CMIP: variants seen among roughly 807,000 people sequenced by gnomAD.
CMIP encodes c-Maf inducing protein.
A neutral mutation model predicts 97.3 loss-of-function variants in CMIP; 13 were observed. That is an observed-to-expected ratio of 0.13 (90% CI 0.09 to 0.21). CMIP has a LOEUF of 0.21. Among genes scored for constraint, CMIP ranks in the 10% least tolerant of loss-of-function variants. The pLI, the probability that CMIP is intolerant of heterozygous loss-of-function variation, is 1.00. For missense variants in CMIP, 847 were observed against 1,024.9 expected, an observed-to-expected ratio of 0.83 and a Z score of 2.37; for synonymous variants, 538 against 436.3, an observed-to-expected ratio of 1.23 and a Z score of -2.91.
In CMIP at chr16:81,703,769, C is replaced by T. The variant is rs866699817; in HGVS notation, c.1945-170C>T. ...CAGCCCCTCCCTCTCTGGCCACCCCCTTGGCCCATCCCACCGAGCTGTGCC... is the reference window on the plus strand; with the variant it reads ...CAGCCCCTCCCTCTCTGGCCACCCCTTTGGCCCATCCCACCGAGCTGTGCC... On this transcript the variant is annotated intron_variant, in intron 17 of 20. Transcript: ENST00000537098. 113 of 863,358 alleles carry T rather than the reference C, an allele frequency of 1.3e-4. 2 individuals are homozygous for T. The Middle Eastern group carries it at 9.1e-3, about 69-fold the overall frequency. 53.5% of individuals were successfully genotyped at this position (863,358 alleles called of 1,614,324 possible). A position where few individuals can be genotyped will look rare whatever the true frequency, so the allele number is the denominator to read the frequency against.
At chr16:81,693,583 G>A (rs1307793324) in intron 13 of CMIP, 96 bp downstream of exon 13, 15 of 1,361,270 alleles carry the variant, frequency 1.1e-5, no homozygotes, top group Admixed American at 2.2e-5. Flanking sequence ...TCACCAACAG[G>A]CATTCAGAAC....
rs367559903 is a variant in CMIP, at chr16:81,593,635, C to A, written c.301-13932C>A. On this transcript the variant is annotated intron_variant, in intron 1 of 20. Coordinates refer to ENST00000537098, the MANE Select transcript of CMIP (RefSeq NM_198390.3). ...TCTTGTTGAGGCTTGAAAGTAATCG[C>A]CTCCGTGTATTGAGTGCCCGCCGAC... 1.4e-4 allele frequency among the ~76,000 whole-genome samples: 22 copies of A among 152,282 alleles called. 2 individuals carry two copies. The South Asian group carries it at 4.6e-3, about 32-fold the overall frequency.
At chr16:81,669,982 G>A (rs968466866) in intron 7 of CMIP, among the ~76,000 whole-genome samples, 160 bp from the exon 8 acceptor site, 2 of 152,270 alleles carry the variant, frequency 1.3e-5, no homozygotes, top group East Asian at 1.9e-4. Context: ...TGAAGTAGAC[G>A]CCACCTGTGC....
chr16:81,523,839 A>T (rs1483597716), intron 1 of CMIP, among the ~76,000 whole-genome samples: 2 of 152,196 alleles, frequency 1.3e-5, no homozygotes, highest in African/African-American at 4.8e-5. Flanking sequence ...TTTAGCTAGG[A>T]GCCTGGATGT....
At chr16:81,571,788 C>G (rs561096162) in intron 1 of CMIP, among the ~76,000 whole-genome samples, 2 of 152,092 alleles carry the variant, frequency 1.3e-5, no homozygotes, top group African/African-American at 4.8e-5. Context: ...CTGCCTCGAC[C>G]GTGCGCGGGA....
At chr16:81,659,329 A>G (rs554459201) in intron 5 of CMIP, among the ~76,000 whole-genome samples, 1 of 152,084 alleles carries the variant, frequency 6.6e-6, no homozygotes, top group East Asian at 1.9e-4. Flanking sequence ...ATACAAAAAT[A>G]ACATGGCCAA....
chr16:81,634,326 CA>C (rs1356385856), intron 3 of CMIP, among the ~76,000 whole-genome samples: 1 of 152,200 alleles, frequency 6.6e-6, no homozygotes, highest in Non-Finnish European at 1.5e-5. Flanking sequence ...ATTGTATGAA[CA>C]CGAGTCTGAC....
chr16:81,588,005 G>A (rs536026652), intron 1 of CMIP, among the ~76,000 whole-genome samples: 47 of 152,284 alleles, frequency 3.1e-4, no homozygotes, highest in African/African-American at 1.0e-3. Flanking sequence ...GAAACACACC[G>A]TCTAAGGCTG....
intron 1 of CMIP, among the ~76,000 whole-genome samples, chr16:81,458,027 A>T (rs1906668893): frequency 6.6e-6 from 1 of 152,232 alleles, no homozygotes; most frequent in Non-Finnish European, 1.5e-5. Flanking sequence ...GAATTACATC[A>T]TGCCAATAAG....
intron 4 of CMIP, among the ~76,000 whole-genome samples, chr16:81,656,965 G>A (rs1178732120): frequency 6.6e-6 from 1 of 152,010 alleles, no homozygotes; most frequent in African/African-American, 2.4e-5. Flanking sequence ...ACACTCAAAG[G>A]AAACGTTCAT....
chr16:81,646,621 T>G (rs1048106714), intron 3 of CMIP, among the ~76,000 whole-genome samples: 1 of 152,250 alleles, frequency 6.6e-6, no homozygotes, highest in Admixed American at 6.5e-5. Flanking sequence ...GATGCCCTCA[T>G]GCTTGTTTGC....
At chr16:81,448,252 A>G (rs1316669809) in intron 1 of CMIP, among the ~76,000 whole-genome samples, 2 of 152,270 alleles carry the variant, frequency 1.3e-5, no homozygotes, top group African/African-American at 4.8e-5. Flanking sequence ...GGTTAATTGT[A>G]TGGGCTTCAG....
rs539971331 is a variant in CMIP, at chr16:81,539,314, C to T, written c.301-68253C>T. 4.6e-5 allele frequency among the ~76,000 whole-genome samples: 7 copies of T among 152,276 alleles called. 1 individual carries two copies. In the South Asian group the frequency reaches 1.5e-3, roughly 32 times the overall value. ...GAATGGTGAGAAGGTTCTAACCAGG[C>T]GTCCTTGGGGGTGGAGGATGATGGG... On this transcript the variant is annotated intron_variant, in intron 1 of 20. Coordinates refer to ENST00000537098, the MANE Select transcript of CMIP (RefSeq NM_198390.3).
At chr16:81,483,471 A>T (rs1330616435) in intron 1 of CMIP, among the ~76,000 whole-genome samples, 5 of 152,074 alleles carry the variant, frequency 3.3e-5, no homozygotes, top group Admixed American at 1.3e-4. Context: ...ACTCTGAGGG[A>T]GAGGAGAGAG....
chr16:81,696,206 G>C (rs867319330), intron 13 of CMIP: 13 of 345,596 alleles, frequency 3.8e-5, no homozygotes, highest in South Asian at 3.6e-4. Context: ...GAGAAAGGGG[G>C]CAGGAGAAAG....
chr16:81,530,025 G>A (rs981135602), intron 1 of CMIP, among the ~76,000 whole-genome samples: 2 of 152,174 alleles, frequency 1.3e-5, no homozygotes, highest in East Asian at 3.9e-4. Flanking sequence ...GAGAGGATAG[G>A]GTTTTTGGCT....
At chr16:81,538,805 A>T (rs912341206) in intron 1 of CMIP, among the ~76,000 whole-genome samples, 1 of 152,032 alleles carries the variant, frequency 6.6e-6, no homozygotes, top group African/African-American at 2.4e-5. Context: ...CTTCTCGGGC[A>T]ATAATATGAT....
intron 10 of CMIP, among the ~76,000 whole-genome samples, chr16:81,683,686 T>C (rs1905094963): frequency 6.6e-6 from 1 of 150,570 alleles, no homozygotes; most frequent in Non-Finnish European, 1.5e-5. Context: ...CCCAGCCTGT[T>C]TTGTAATTTT....
At chr16:81,501,821 A>G (rs919795598) in intron 1 of CMIP, among the ~76,000 whole-genome samples, 7 of 152,092 alleles carry the variant, frequency 4.6e-5, no homozygotes, top group Admixed American at 6.6e-5. Context: ...CCTGTTGGCC[A>G]AGCTGGTCTC....
Sources: gnomAD v4.1 joint callset for allele counts (sites outside exome capture counted in the v4.1 genomes callset) on GRCh38, gnomAD v4.1.1 for gene constraint, MANE v1.5 for transcripts, NCBI Gene and HGNC (gene_info 2026-07-23, HGNC 2026-07-21) for gene names.